The following RARA variants were observed in gnomAD, a reference collection of about 807,000 sequenced individuals.
The protein encoded by RARA is retinoic acid receptor alpha.
A neutral mutation model predicts 42.8 loss-of-function variants in RARA; 5 were observed. That is an observed-to-expected ratio of 0.12 (90% CI 0.06 to 0.25). The LOEUF is 0.25. RARA is among the 10% of genes least tolerant of loss of function. RARA has a pLI of 1.00. For missense variants in RARA, 402 were observed against 628.7 expected (o/e 0.64, Z 3.86); for synonymous variants, 256 against 259.5 (o/e 0.99, Z 0.13).
chr17:40,347,298 G>A (rs2034298857), intron 2 of RARA, among the ~76,000 whole-genome samples: 1 of 152,182 alleles, frequency 6.6e-6, no homozygotes, highest in African/African-American at 2.4e-5. Flanking sequence ...GCCTCAGGAC[G>A]ATGCTGCGTG....
chr17:40,348,611 C>A, intron 3 of RARA, 147 bp downstream of exon 3: 1 of 1,046,810 alleles, frequency 9.6e-7, no homozygotes, highest in Non-Finnish European at 1.3e-6. Context: ...GCAGGGACAC[C>A]TACCACAGTT....
At chr17:40,342,903 G>A in intron 2 of RARA, 1 of 1,588,450 alleles carries the variant, frequency 6.3e-7, no homozygotes, top group South Asian at 1.1e-5. Flanking sequence ...GTTGTAGGGG[G>A]TGGGAGTGGG....
chr17:40,352,488 C>A lies in RARA; in HGVS notation c.788C>A (p.Ala263Asp). The change falls in exon 6 of 9, where the codon GCT becomes GAT. Residue 263 changes from alanine to aspartate, a missense_variant. Transcript: ENST00000254066. This position sits in a 1 kb window ranked among gnomAD's most constrained non-coding sequence, Gnocchi z 4.9. Reference sequence around the variant, plus strand: ...GCCGACCAGATCACCCTCCTCAAGGCTGCCTGCCTGGACATCCTGGTGAGG... The same window carrying A: ...GCCGACCAGATCACCCTCCTCAAGGATGCCTGCCTGGACATCCTGGTGAGG... ...TIADQITLLKAACLDILILRI... is the reference protein window; with the variant it reads ...TIADQITLLKDACLDILILRI... The A allele has an allele frequency of 6.2e-7, 1 of 1,609,458 alleles. No homozygotes were observed. Among genetic ancestry groups the A allele is most frequent in the Non-Finnish European group, 8.5e-7 (1 of 1,177,370 alleles).
At position 40,356,051 on chromosome 17, in the gene RARA, C is replaced by G; in HGVS notation, c.1214C>G (p.Ser405Cys). The change falls in exon 9 of 9, where the codon TCC (serine) becomes TGC (cysteine). Residue 405 changes from serine (S) to cysteine (C), a missense_variant. By Grantham distance (112) the Ser-to-Cys change is moderately radical (BLOSUM62 -1). Around this residue, in one of 5 missense-constraint regions of RARA, gnomAD observed 104 missense variants for 160.1 expected, o/e 0.65. Coordinates refer to ENST00000254066, the MANE Select transcript of RARA (RefSeq NM_000964.4). ...ACGCTGAAGATGGAGATCCCGGGCT[C>G]CATGCCGCCTCTCATCCAGGAAATG... Reference protein sequence around the residue: ...VITLKMEIPGSMPPLIQEMLE... With the variant: ...VITLKMEIPGCMPPLIQEMLE... 3.7e-6 allele frequency: 6 copies of G among 1,608,018 alleles called. No individual in the cohort carries two copies. The highest frequency in any genetic ancestry group is 5.1e-6 in the Non-Finnish European group (6 of 1,178,364).
chr17:40,339,077 G>T (rs1017407388), intron 2 of RARA, among the ~76,000 whole-genome samples: 15 of 152,180 alleles, frequency 9.9e-5, no homozygotes, highest in Non-Finnish European at 1.6e-4. Flanking sequence ...TTGGCTGGGC[G>T]AGTTGCCGTT....
chr17:40,342,700 G>T, intron 2 of RARA: 4 of 1,607,946 alleles, frequency 2.5e-6, no homozygotes, highest in Non-Finnish European at 2.5e-6. Context: ...CCTTCGAGGG[G>T]AAAGATGTAC....
At chr17:40,336,759 G>C (rs935847811) in intron 2 of RARA, among the ~76,000 whole-genome samples, 4 of 151,894 alleles carry the variant, frequency 2.6e-5, no homozygotes, top group Non-Finnish European at 5.9e-5. Flanking sequence ...GCAGTGGCTC[G>C]ATCTCGGTTC....
Position 40,354,394 on chromosome 17 carries a change from T to A in RARA, c.900T>A (p.Ala300=). 6.2e-7 allele frequency: 1 copy of A among 1,614,210 alleles called. No individual in the cohort carries two copies. Among genetic ancestry groups the A allele is most frequent in the Non-Finnish European group, 8.5e-7 (1 of 1,180,036 alleles). ...TGAACCGGACCCAGATGCACAACGC[T>A]GGCTTCGGCCCCCTCACCGACCTGG... ...LTLNRTQMHN[A]GFGPLTDLVF... is the part of the protein sequence containing the mutation. The change falls in exon 7 of 9, where the codon GCT becomes GCA. Residue 300 remains alanine (A), a synonymous_variant. Coordinates refer to ENST00000254066, the MANE Select transcript of RARA (RefSeq NM_000964.4). This position sits in a 1 kb window ranked among gnomAD's most constrained non-coding sequence, Gnocchi z 4.5.
rs1035634171 is a variant in RARA at position 40,318,807 on chromosome 17, C to A, written c.-363+9521C>A. On this transcript the variant is annotated intron_variant, in intron 1 of 8. Transcript: ENST00000254066. ...AATTCAAACCTGTTTGGGGAGAGAT[C>A]GGATGCTCAACGGACTAGCCCCCTC... Among the ~76,000 whole-genome samples, 4 of 152,254 alleles carry A rather than the reference C, an allele frequency of 2.6e-5. No individual in the cohort carries two copies. In the East Asian group the frequency reaches 7.7e-4, roughly 29 times the overall value.
intron 4 of RARA, chr17:40,350,146 G>A (rs988094187): frequency 1.2e-5 from 7 of 600,306 alleles, no homozygotes; most frequent in Admixed American, 9.5e-5. Context: ...CTCCGGGACC[G>A]TGTATGTGTA....
chr17:40,321,883 C>T (rs1004059281), intron 1 of RARA, among the ~76,000 whole-genome samples: 1 of 152,156 alleles, frequency 6.6e-6, no homozygotes, highest in Non-Finnish European at 1.5e-5. Context: ...TCCCCTTCGC[C>T]ACTCCAAGTG....
At chr17:40,341,698 G>A (rs1469057206) in intron 2 of RARA, 7 of 1,330,456 alleles carry the variant, frequency 5.3e-6, no homozygotes, top group Non-Finnish European at 6.7e-6. Flanking sequence ...AATGAGGCCC[G>A]GCCTGGGTGG....
At chr17:40,319,531 C>T (rs1269258324) in intron 1 of RARA, among the ~76,000 whole-genome samples, 3 of 150,544 alleles carry the variant, frequency 2.0e-5, no homozygotes, top group African/African-American at 7.3e-5. Flanking sequence ...CCCCCGACCC[C>T]CCCACCCCCT....
intron 2 of RARA, chr17:40,342,233 T>C: frequency 1.9e-6 from 2 of 1,052,624 alleles, no homozygotes; most frequent in Non-Finnish European, 2.3e-6. Flanking sequence ...CCGCGCGGGA[T>C]CCCCACCCCC....
chr17:40,327,792 G>T (rs1280285122), intron 1 of RARA, among the ~76,000 whole-genome samples: 3 of 152,212 alleles, frequency 2.0e-5, no homozygotes, highest in African/African-American at 7.2e-5. Flanking sequence ...TGTAGGAACT[G>T]ATGAGGTTCT....
intron 2 of RARA, among the ~76,000 whole-genome samples, chr17:40,331,637 T>A (rs574770694): frequency 3.3e-5 from 5 of 152,294 alleles, no homozygotes; most frequent in Admixed American, 2.0e-4. Flanking sequence ...AACCATGCTG[T>A]TCTGGCCTGC....
At chr17:40,332,868 T>C (rs1356055724) in intron 2 of RARA, among the ~76,000 whole-genome samples, 1 of 152,222 alleles carries the variant, frequency 6.6e-6, no homozygotes, top group Non-Finnish European at 1.5e-5. Flanking sequence ...GGTCTGGTCC[T>C]ATAGTCTGTG....
chr17:40,343,037 C>T (rs1374826096), intron 2 of RARA: 10 of 1,327,142 alleles, frequency 7.5e-6, no homozygotes, highest in Admixed American at 3.1e-5. Flanking sequence ...CCGCACCCTC[C>T]CCCCAGTAAC....
At chr17:40,309,680 G>A (rs968649111) in intron 1 of RARA, among the ~76,000 whole-genome samples, 1 of 152,190 alleles carries the variant, frequency 6.6e-6, no homozygotes, top group Non-Finnish European at 1.5e-5. Flanking sequence ...AGGGACCTGA[G>A]CTTTCCCAAG....
Sources: allele counts gnomAD v4.1 joint callset (sites outside exome capture counted in the v4.1 genomes callset), GRCh38; gene constraint gnomAD v4.1.1; regional missense constraint gnomAD v4.1.1; non-coding constraint Gnocchi (gnomAD v3.1); transcripts MANE v1.5; gene names NCBI Gene and HGNC (gene_info 2026-07-23, HGNC 2026-07-21).